The following GHR variants were observed in gnomAD, a reference collection of about 807,000 sequenced individuals.
GHR encodes the protein GH receptor.
GHR carries 35 observed loss-of-function variants against 67.1 expected under a neutral mutation model. That is an observed-to-expected ratio of 0.52 (90% CI 0.40 to 0.69). GHR has a LOEUF of 0.69. GHR is among the 30% of genes least tolerant of loss of function. GHR has a pLI of 0.00. For synonymous variants in GHR, 272 were observed against 269.1 expected (o/e 1.01, Z -0.10); for missense variants, 792 against 764.6 (o/e 1.04, Z -0.42).
At chr5:42,689,730 C>T (rs1464937884) in intron 4 of GHR, among the ~76,000 whole-genome samples, 1 of 152,138 alleles carries the variant, frequency 6.6e-6, no homozygotes, top group African/African-American at 2.4e-5. Flanking sequence ...TAGGGACTGA[C>T]CATGCCAAAC....
At chr5:42,606,128 TG>T (rs1358936990) in intron 2 of GHR, among the ~76,000 whole-genome samples, 2 of 151,840 alleles carry the variant, frequency 1.3e-5, no homozygotes, top group East Asian at 3.9e-4. Context: ...CTGTAAAAGT[TG>T]GGGTGCTCAA....
intron 1 of GHR, among the ~76,000 whole-genome samples, chr5:42,550,435 G>T (rs1173261122): frequency 6.6e-6 from 1 of 152,120 alleles, no homozygotes; most frequent in African/African-American, 2.4e-5. Context: ...TAGACATTCT[G>T]ATTCATAGAG....
At chr5:42,694,116 AAGAGCC>A (rs1757554804) in intron 4 of GHR, among the ~76,000 whole-genome samples, 1 of 152,178 alleles carries the variant, frequency 6.6e-6, no homozygotes, top group South Asian at 2.1e-4. Flanking sequence ...GCCTTCCATG[AAGAGCC>A]AGAGCAATCA....
intron 1 of GHR, among the ~76,000 whole-genome samples, chr5:42,451,394 C>CT (rs558843340): frequency 4.0e-4 from 59 of 146,486 alleles, no homozygotes; most frequent in South Asian, 1.1e-3. Context: ...CCCTCTTTGT[C>CT]TTTTTTTTTT....
At chr5:42,443,959 ATAGAT>A (rs1743696054) in intron 1 of GHR, among the ~76,000 whole-genome samples, 1 of 63,820 alleles carries the variant, frequency 1.6e-5, no homozygotes, top group South Asian at 3.6e-4. Flanking sequence ...ATAGATATAG[ATAGAT>A]ATAGATATAG....
At chr5:42,532,869 A>T (rs905318504) in intron 1 of GHR, among the ~76,000 whole-genome samples, 3 of 152,176 alleles carry the variant, frequency 2.0e-5, no homozygotes, top group Non-Finnish European at 4.4e-5. Flanking sequence ...TACAATTTTT[A>T]ATTAAAATTA....
intron 1 of GHR, chr5:42,514,226 C>T (rs1425963192): frequency 1.0e-6 from 1 of 985,332 alleles, no homozygotes; most frequent in African/African-American, 1.7e-5. Flanking sequence ...TGCAAGTCCA[C>T]AGGCAAGATT....
At chr5:42,660,334 T>C (rs7708608) in intron 3 of GHR, among the ~76,000 whole-genome samples, 1,778 of 151,960 alleles carry the variant, frequency 0.012, 35 homozygotes, top group African/African-American at 0.041. Flanking sequence ...CCCTGACCCC[T>C]GAGCAGCCTA....
intron 1 of GHR, among the ~76,000 whole-genome samples, chr5:42,441,774 G>C (rs1743590637): frequency 6.6e-6 from 1 of 152,188 alleles, no homozygotes; most frequent in Non-Finnish European, 1.5e-5. Flanking sequence ...CTCCCAAAGT[G>C]CTGGGATTAC....
chr5:42,569,952 T>C (rs1468711621), intron 2 of GHR, among the ~76,000 whole-genome samples: 2 of 152,136 alleles, frequency 1.3e-5, no homozygotes, highest in Non-Finnish European at 2.9e-5. Flanking sequence ...ATTTTGAACA[T>C]TTTTCATAAA....
intron 2 of GHR, among the ~76,000 whole-genome samples, chr5:42,602,744 A>G (rs1752442129): frequency 6.6e-6 from 1 of 152,178 alleles, no homozygotes; most frequent in Non-Finnish European, 1.5e-5. Flanking sequence ...GCTGATAGCA[A>G]CTTAGCTTCC....
At chr5:42,540,476 T>G (rs1748457313) in intron 1 of GHR, among the ~76,000 whole-genome samples, 1 of 152,298 alleles carries the variant, frequency 6.6e-6, no homozygotes, top group East Asian at 1.9e-4. Context: ...GGAATAAGGA[T>G]TGTCCATTTT....
At chr5:42,559,745 T>C (rs898433027) in intron 1 of GHR, among the ~76,000 whole-genome samples, 1 of 152,218 alleles carries the variant, frequency 6.6e-6, no homozygotes, top group Non-Finnish European at 1.5e-5. Flanking sequence ...GTGAGCTTTT[T>C]CTTCCTCACT....
chr5:42,609,936 T>C (rs760306207), intron 2 of GHR, among the ~76,000 whole-genome samples: 13 of 152,178 alleles, frequency 8.5e-5, no homozygotes, highest in Non-Finnish European at 1.8e-4. Context: ...TTAGTGACTG[T>C]CACTAAAATG....
At chr5:42,658,806 C>G (rs1755401247) in intron 3 of GHR, among the ~76,000 whole-genome samples, 1 of 152,008 alleles carries the variant, frequency 6.6e-6, no homozygotes, top group South Asian at 2.1e-4. Flanking sequence ...TGATCTGATC[C>G]AAAATACCAA....
chr5:42,514,472 T>TA (rs1747156473), intron 1 of GHR: 2 of 204,584 alleles, frequency 9.8e-6, no homozygotes, highest in Non-Finnish European at 1.5e-5. Flanking sequence ...GGTTCTAGAT[T>TA]TAAAAAAAAA....
At chr5:42,602,380 T>C (rs896606323) in intron 2 of GHR, among the ~76,000 whole-genome samples, 5 of 152,150 alleles carry the variant, frequency 3.3e-5, no homozygotes, top group African/African-American at 1.2e-4. Flanking sequence ...TTTCCATCAC[T>C]TACCTTTTAC....
rs796487937 is a variant in GHR at position 42,629,498 on chromosome 5, A to G, written c.136+395A>G. Among the ~76,000 whole-genome samples the G allele has an allele frequency of 6.1e-5, 8 of 131,466 alleles. 4 individuals carry two copies. The highest frequency in any genetic ancestry group is 2.6e-4 in the African/African-American group (8 of 31,000). The allele number at this position is 131,466 out of a possible 152,430, so 86.2% of individuals were successfully genotyped here. A position where few individuals can be genotyped will look rare whatever the true frequency, so the allele number is the denominator to read the frequency against. On this transcript the variant is annotated intron_variant, in intron 3 of 9. Transcript: ENST00000230882. ...CTCTTGCTCCCACTCTCGCCCTGTG[A>G]GACACCTGCTCCGCTTCACCATGAT...
At chr5:42,649,605 C>G (rs901414289) in intron 3 of GHR, among the ~76,000 whole-genome samples, 16 of 152,052 alleles carry the variant, frequency 1.1e-4, no homozygotes, top group Admixed American at 8.5e-4. Context: ...ATGGCTGGCC[C>G]CCTTTAAAAG....
Sources: allele counts gnomAD v4.1 joint callset (sites outside exome capture counted in the v4.1 genomes callset), GRCh38; gene constraint gnomAD v4.1.1; transcripts MANE v1.5; gene names NCBI Gene and HGNC (gene_info 2026-07-23, HGNC 2026-07-21).